USH2A: variants seen among roughly 807,000 people sequenced by gnomAD.
USH2A encodes usherin, also known as Usher syndrome 2A (autosomal recessive, mild).
USH2A carries 443 observed loss-of-function variants against 538.9 expected under a neutral mutation model. The ratio of observed to expected loss-of-function variants is 0.82; its 90% CI spans 0.76 to 0.89. The LOEUF is 0.89. Ranked by LOEUF, USH2A falls within the 40% of genes least tolerant of loss-of-function variation. The pLI, the probability that USH2A is intolerant of heterozygous loss-of-function variation, is 0.00. For missense variants in USH2A, 6,633 were observed against 6,324.8 expected (o/e 1.05, Z -1.65); for synonymous variants, 2,413 against 2,273.5 (o/e 1.06, Z -1.75).
At chr1:216,018,664 A>G (rs1469046009) in intron 32 of USH2A, among the ~76,000 whole-genome samples, 2 of 152,180 alleles carry the variant, frequency 1.3e-5, no homozygotes, top group Non-Finnish European at 2.9e-5. Context: ...GTGGCACATT[A>G]TGATATAAAT....
chr1:216,266,532 T>C (rs1055236416), intron 11 of USH2A, among the ~76,000 whole-genome samples: 12 of 152,074 alleles, frequency 7.9e-5, no homozygotes, highest in African/African-American at 2.9e-4. Flanking sequence ...AACTTTAACT[T>C]CCTATATCAG....
intron 38 of USH2A, among the ~76,000 whole-genome samples, chr1:215,924,516 GAAAT>G (rs1163736776): frequency 6.6e-6 from 1 of 151,538 alleles, no homozygotes; most frequent in Non-Finnish European, 1.5e-5. Flanking sequence ...TTATTTTAAA[GAAAT>G]AAAGCAAAAA....
chr1:215,869,200 G>C (rs1326868005), intron 43 of USH2A, among the ~76,000 whole-genome samples: 1 of 152,122 alleles, frequency 6.6e-6, no homozygotes, highest in Non-Finnish European at 1.5e-5. Context: ...TAAATAACTT[G>C]TCCAAGTCAT....
At chr1:216,193,613 A>G (rs2034768034) in intron 19 of USH2A, among the ~76,000 whole-genome samples, 1 of 152,202 alleles carries the variant, frequency 6.6e-6, no homozygotes, top group South Asian at 2.1e-4. Context: ...TTAAAATCCA[A>G]TGACTGGTAT....
intron 4 of USH2A, among the ~76,000 whole-genome samples, chr1:216,342,671 G>C (rs1345895266): frequency 6.6e-6 from 1 of 152,050 alleles, no homozygotes; most frequent in African/African-American, 2.4e-5. Context: ...AAAGGAATAA[G>C]ATCATGTCTT....
chr1:215,824,284 T>G (rs947483817), intron 47 of USH2A, among the ~76,000 whole-genome samples: 1 of 152,162 alleles, frequency 6.6e-6, no homozygotes, highest in Admixed American at 6.6e-5. Context: ...TTTATTGCAG[T>G]CTTCTCTGGC....
intron 21 of USH2A, among the ~76,000 whole-genome samples, chr1:216,138,224 C>T (rs879851921): frequency 7.2e-5 from 11 of 152,010 alleles, no homozygotes; most frequent in Non-Finnish European, 1.2e-4. Flanking sequence ...GGATAATGGC[C>T]GGTACACAGC....
intron 50 of USH2A, among the ~76,000 whole-genome samples, chr1:215,797,261 AG>A (rs1384981749): frequency 6.6e-6 from 1 of 152,208 alleles, no homozygotes; most frequent in Non-Finnish European, 1.5e-5. Context: ...TAAGAAAAAA[AG>A]CCATCTTCAT....
At chr1:216,251,158 C>A in intron 11 of USH2A, 60 bp from the exon 12 acceptor site, 1 of 1,568,192 alleles carries the variant, frequency 6.4e-7, no homozygotes, top group South Asian at 1.1e-5. Context: ...ATAATTTGCT[C>A]ATTAGGTACA....
chr1:215,978,525 G>A (rs1410098634), intron 35 of USH2A, among the ~76,000 whole-genome samples: 1 of 152,070 alleles, frequency 6.6e-6, no homozygotes, highest in East Asian at 1.9e-4. Context: ...TACTATACTT[G>A]GTATTTTGGG....
chr1:216,330,542 G>C (rs2037838682), intron 4 of USH2A, among the ~76,000 whole-genome samples: 1 of 151,908 alleles, frequency 6.6e-6, no homozygotes, highest in African/African-American at 2.4e-5. Flanking sequence ...GAGGTGCAAG[G>C]AGCTAGCATC....
intron 32 of USH2A, among the ~76,000 whole-genome samples, chr1:216,007,203 T>A (rs1668414783): frequency 6.6e-6 from 1 of 152,198 alleles, no homozygotes; most frequent in Non-Finnish European, 1.5e-5. Context: ...CCATTAAACC[T>A]CTTTTTCTTT....
At chr1:216,395,461 C>T (rs1456709656) in intron 3 of USH2A, among the ~76,000 whole-genome samples, 1 of 152,150 alleles carries the variant, frequency 6.6e-6, no homozygotes. Context: ...TTTAGAATTT[C>T]ATTTTTTGCC....
intron 21 of USH2A, among the ~76,000 whole-genome samples, chr1:216,125,815 T>G (rs1202929399): frequency 6.6e-6 from 1 of 152,182 alleles, no homozygotes; most frequent in Non-Finnish European, 1.5e-5. Context: ...CCTCCATTTC[T>G]TCATCTGGCA....
At chr1:215,983,956 C>A (rs573623613) in intron 35 of USH2A, among the ~76,000 whole-genome samples, 37 of 152,118 alleles carry the variant, frequency 2.4e-4, no homozygotes, top group Admixed American at 6.5e-4. Context: ...GGAAATGTAG[C>A]CTTTACTGGA....
intron 49 of USH2A, among the ~76,000 whole-genome samples, chr1:215,803,200 G>A (rs1048853468): frequency 6.6e-6 from 1 of 152,142 alleles, no homozygotes; most frequent in African/African-American, 2.4e-5. Context: ...AAAACTGGAA[G>A]CATTCCCTTT....
chr1:216,383,107 A>C (rs2038947798), intron 3 of USH2A, among the ~76,000 whole-genome samples: 1 of 152,194 alleles, frequency 6.6e-6, no homozygotes, highest in Non-Finnish European at 1.5e-5. Flanking sequence ...ACTCAGGCAC[A>C]CAAAAACGGG....
chr1:215,790,261 T>C lies in USH2A; in HGVS notation c.9980A>G (p.Asp3327Gly), dbSNP rs1387939632. Residue 3327 changes from aspartate (D) to glycine (G), a missense_variant, in exon 51 of 72, where the codon GAT (aspartate) becomes GGT (glycine). Asp to Gly is a moderately conservative substitution (Grantham distance 94). Transcript: ENST00000307340. ...RLPGMFCCGQ[D>G]YVNMSDTICC... ...TATGGTATCTGACATATTCACATAA[T>C]CCTGCCCACAACAGAACATACCTGC... 6.2e-7 allele frequency: 1 copy of C among 1,613,994 alleles called. No individual in the cohort carries two copies. The highest frequency in any genetic ancestry group is 8.5e-7 in the Non-Finnish European group (1 of 1,179,994).
intron 55 of USH2A, among the ~76,000 whole-genome samples, chr1:215,777,867 G>A (rs1011657437): frequency 6.6e-6 from 1 of 152,172 alleles, no homozygotes; most frequent in African/African-American, 2.4e-5. Flanking sequence ...TTACAAGGAT[G>A]TGATGAGAGT....
Sources: gnomAD v4.1 joint callset for allele counts (sites outside exome capture counted in the v4.1 genomes callset) on GRCh38, gnomAD v4.1.1 for gene constraint, MANE v1.5 for transcripts, NCBI Gene and HGNC (gene_info 2026-07-23, HGNC 2026-07-21) for gene names.